Variants in NIPSNAP3A observed in about 807,000 individuals in gnomAD.
NIPSNAP3A encodes protein NipSnap homolog 3A.
Under a neutral mutation model 32.3 loss-of-function variants are expected in NIPSNAP3A, and 27 were observed. The ratio of observed to expected loss-of-function variants is 0.84; its 90% CI spans 0.62 to 1.15. The LOEUF is 1.15. NIPSNAP3A is among the 50% of genes most tolerant of loss of function. The pLI is 0.00. For synonymous variants in NIPSNAP3A, 108 were observed against 107.3 expected, an observed-to-expected ratio of 1.01 and a Z score of -0.04; for missense variants, 278 against 297.2, an observed-to-expected ratio of 0.94 and a Z score of 0.48.
chr9:104,755,206 A>T (rs1325662085), intron 4 of NIPSNAP3A, among the ~76,000 whole-genome samples: 1 of 151,124 alleles, frequency 6.6e-6, no homozygotes, highest in African/African-American at 2.4e-5. Context: ...GTGCCATCGC[A>T]CTCCAGCCTG....
chr9:104,747,877 C>T (rs1426637616), intron 1 of NIPSNAP3A, 25 bp downstream of exon 1: 2 of 1,577,910 alleles, frequency 1.3e-6, no homozygotes, highest in Non-Finnish European at 8.6e-7. Context: ...GGTACCCAAG[C>T]CTTCACCCGA....
intron 1 of NIPSNAP3A, among the ~76,000 whole-genome samples, chr9:104,749,175 C>T (rs1217467405): frequency 6.6e-6 from 1 of 152,164 alleles, no homozygotes; most frequent in East Asian, 1.9e-4. Flanking sequence ...GCCCCATTGG[C>T]CTATCTCCTG....
chr9:104,751,911 A>C (rs896984351), intron 2 of NIPSNAP3A, among the ~76,000 whole-genome samples: 13 of 152,196 alleles, frequency 8.5e-5, no homozygotes, highest in African/African-American at 2.9e-4. Flanking sequence ...CAGTGTCTAC[A>C]TCAGGACTTG....
chr9:104,747,921 G>T, intron 1 of NIPSNAP3A, 69 bp downstream of exon 1: 2 of 1,443,102 alleles, frequency 1.4e-6, no homozygotes, highest in South Asian at 1.2e-5. Context: ...GAGTGTTCCG[G>T]GTACGTGCGA....
In NIPSNAP3A at chr9:104,747,754, G is replaced by A; in HGVS notation, c.-39G>A. The A allele has an allele frequency of 6.3e-7, 1 of 1,591,160 alleles. No individual in the cohort carries two copies. The highest frequency in any genetic ancestry group is 8.6e-7 in the Non-Finnish European group (1 of 1,168,544). On this transcript the variant is annotated 5_prime_UTR_variant, in exon 1 of 6. Coordinates refer to ENST00000374767, the MANE Select transcript of NIPSNAP3A (RefSeq NM_015469.3). ...AAACCTTCAGAGGAGTCTCAGAAAG[G>A]ACACGGCTGGCTGCTTTTCTCAGCG...
At position 104,751,050 on chromosome 9, in the gene NIPSNAP3A, T is replaced by G; in HGVS notation, c.155T>G (p.Phe52Cys). The stretch of plus-strand genomic sequence containing the variant: ...CTTAAGCCCTCAAAGATGAATGAGT[T>G]CCTGGAAAATTTTGAGAAAAACGCT... Reference protein sequence around the residue: ...YYLKPSKMNEFLENFEKNAHL... With the variant: ...YYLKPSKMNECLENFEKNAHL... The change falls in exon 2 of 6, where the codon TTC becomes TGC. Residue 52 changes from phenylalanine (F) to cysteine (C), a missense_variant. Transcript: ENST00000374767. The G allele has an allele frequency of 3.1e-6, 5 of 1,614,008 alleles. No homozygotes were observed. Among genetic ancestry groups the G allele is most frequent in the Non-Finnish European group, 4.2e-6 (5 of 1,179,904 alleles).
At position 104,755,271 on chromosome 9, in the gene NIPSNAP3A, A is replaced by G. The variant is rs113303141; in HGVS notation, c.580+571A>G. Among the ~76,000 whole-genome samples, 1,016 of 152,168 alleles carry G rather than the reference A, an allele frequency of 6.7e-3. 19 individuals are homozygous for G. Among genetic ancestry groups the G allele is most frequent in the African/African-American group, 0.023 (961 of 41,520 alleles). On this transcript the variant is annotated intron_variant, in intron 4 of 5. Transcript: ENST00000374767. ...AAAAAAAAATGAAGGAACCTCAAGAAATAGTCTGTTACTTTCATCATTTCT... is the reference window on the plus strand; with the variant it reads ...AAAAAAAAATGAAGGAACCTCAAGAGATAGTCTGTTACTTTCATCATTTCT...
At position 104,753,053 on chromosome 9, in the gene NIPSNAP3A, C is replaced by G. The variant is rs1283477340; in HGVS notation, c.419C>G (p.Pro140Arg). 2.5e-6 allele frequency: 4 copies of G among 1,613,240 alleles called. No individual in the cohort carries two copies. Among genetic ancestry groups the G allele is most frequent in the South Asian group, 2.2e-5 (2 of 91,056 alleles). ...YLVPWCKLEK[P>R]PKEGVYELAT... is the part of the protein sequence containing the mutation. Reference sequence around the variant, plus strand: ...GTACCATGGTGCAAATTAGAAAAACCTCCAAAAGAAGGTAAGTCCTTCCTT... The same window carrying G: ...GTACCATGGTGCAAATTAGAAAAACGTCCAAAAGAAGGTAAGTCCTTCCTT... The change falls in exon 3 of 6, where the codon CCT (proline) becomes CGT (arginine). Residue 140 changes from proline (P) to arginine (R), a missense_variant. Physicochemically the swap from Pro to Arg is moderately radical, Grantham distance 103. Coordinates refer to ENST00000374767, the MANE Select transcript of NIPSNAP3A (RefSeq NM_015469.3).
At position 104,750,452 on chromosome 9, in the gene NIPSNAP3A, T is replaced by C. The variant is rs550304797; in HGVS notation, c.61-504T>C. Among the ~76,000 whole-genome samples, 26 of 152,346 alleles carry C rather than the reference T, an allele frequency of 1.7e-4. 1 individual carries two copies. Among genetic ancestry groups the C allele is most frequent in the South Asian group, 1.7e-3 (8 of 4,830 alleles). ...TATGTGAAGCAGGAGAATAGGGTCT[T>C]GAGGCAGGGAACCTAAGGACTTCCT... On this transcript the variant is annotated intron_variant, in intron 1 of 5. Transcript: ENST00000374767.
intron 4 of NIPSNAP3A, among the ~76,000 whole-genome samples, chr9:104,756,336 A>G (rs1358970272): frequency 3.3e-5 from 5 of 152,154 alleles, no homozygotes; most frequent in Non-Finnish European, 5.9e-5. Context: ...TGAAGAAACT[A>G]TGAAGAAAAA....
chr9:104,747,952 G>T, intron 1 of NIPSNAP3A, 100 bp downstream of exon 1: 1 of 1,196,498 alleles, frequency 8.4e-7, no homozygotes, highest in Non-Finnish European at 1.2e-6. Flanking sequence ...TGCGCTCTCC[G>T]CCACGCGCGC....
chr9:104,749,071 T>C lies in NIPSNAP3A; in HGVS notation c.60+1219T>C, dbSNP rs113382912. On this transcript the variant is annotated intron_variant, in intron 1 of 5. Transcript: ENST00000374767. The stretch of plus-strand genomic sequence containing the variant: ...TAGGTTCCCTACTGTATATTAATAC[T>C]GCCCAAAATTGTAAAAATGTGTACC... 6.7e-3 allele frequency among the ~76,000 whole-genome samples: 1,022 copies of C among 152,350 alleles called. 20 individuals are homozygous for C. The highest frequency in any genetic ancestry group is 0.023 in the African/African-American group (957 of 41,578).
At chr9:104,748,405 G>C (rs1444158443) in intron 1 of NIPSNAP3A, among the ~76,000 whole-genome samples, 1 of 152,020 alleles carries the variant, frequency 6.6e-6, no homozygotes, top group Non-Finnish European at 1.5e-5. Flanking sequence ...GGTCCCGGTG[G>C]GGCTGGACCC....
intron 4 of NIPSNAP3A, among the ~76,000 whole-genome samples, chr9:104,755,573 A>G (rs895207953): frequency 7.9e-5 from 12 of 152,188 alleles, no homozygotes; most frequent in African/African-American, 2.7e-4. Context: ...CATTTCAATC[A>G]GAATTTCAAG....
chr9:104,755,445 T>G (rs74859716), intron 4 of NIPSNAP3A, among the ~76,000 whole-genome samples: 2,873 of 152,126 alleles, frequency 0.019, 87 homozygotes, highest in African/African-American at 0.066. Context: ...CAGTTTTATA[T>G]ATATCTATAT....
intron 3 of NIPSNAP3A, 113 bp from the exon 4 acceptor site, chr9:104,754,438 C>T (rs1401944600): frequency 1.8e-5 from 15 of 817,454 alleles, no homozygotes; most frequent in Non-Finnish European, 2.4e-5. Flanking sequence ...AATATGTATG[C>T]ATGTCTGATC....
intron 2 of NIPSNAP3A, among the ~76,000 whole-genome samples, chr9:104,751,812 A>G (rs989075756): frequency 6.6e-6 from 1 of 152,194 alleles, no homozygotes; most frequent in African/African-American, 2.4e-5. Flanking sequence ...GGAATGAAAG[A>G]GAGTTCTTCC....
chr9:104,752,474 CTCAA>C (rs2118751966), intron 2 of NIPSNAP3A, among the ~76,000 whole-genome samples: 1 of 131,960 alleles, frequency 7.6e-6, no homozygotes, highest in Admixed American at 7.6e-5. Flanking sequence ...AGTTAAATGC[CTCAA>C]TCAAGTAAGA....
chr9:104,750,647 C>A (rs894651577), intron 1 of NIPSNAP3A, among the ~76,000 whole-genome samples: 9 of 152,216 alleles, frequency 5.9e-5, no homozygotes, highest in African/African-American at 2.2e-4. Context: ...CTAGAAAATT[C>A]TGTAACCAGG....
Sources: gnomAD v4.1 joint callset for allele counts (sites outside exome capture counted in the v4.1 genomes callset) on GRCh38, gnomAD v4.1.1 for gene constraint, MANE v1.5 for transcripts, NCBI Gene and HGNC (gene_info 2026-07-23, HGNC 2026-07-21) for gene names.